The following DSG4 variants were observed in gnomAD, a reference collection of about 807,000 sequenced individuals.
DSG4 encodes desmoglein-4.
DSG4 carries 87 observed loss-of-function variants against 93.1 expected under a neutral mutation model. The observed-to-expected ratio is 0.93, with a 90% confidence interval of 0.79 to 1.12. The LOEUF is 1.12. DSG4 is among the 50% of genes most tolerant of loss of function. The pLI is 0.00. For synonymous variants in DSG4, 432 were observed against 452.9 expected (o/e 0.95, Z 0.59); for missense variants, 1,373 against 1,285.7 (o/e 1.07, Z -1.04).
chr18:31,378,920 C>G (rs1433512938), intron 1 of DSG4, among the ~76,000 whole-genome samples: 8 of 152,194 alleles, frequency 5.3e-5, no homozygotes. Context: ...AAATCAAAGA[C>G]TCTCTGGGGC....
At chr18:31,391,663 TA>T (rs111644305) in intron 7 of DSG4, among the ~76,000 whole-genome samples, 39 of 144,354 alleles carry the variant, frequency 2.7e-4, no homozygotes, top group South Asian at 4.4e-4. Context: ...TGTTTCGGTT[TA>T]AAAAAAAAAA....
intron 8 of DSG4, among the ~76,000 whole-genome samples, chr18:31,396,069 C>A (rs2072301776): frequency 6.6e-6 from 1 of 152,062 alleles, no homozygotes; most frequent in South Asian, 2.1e-4. Context: ...CAATAACAGC[C>A]TCTCCTTGGT....
rs768870274 is a variant in DSG4 at position 31,400,959 on chromosome 18, T to G, written c.1356T>G (p.Phe452Leu). The change falls in exon 10 of 16, where the codon TTT (phenylalanine) becomes TTG (leucine). Residue 452 changes from phenylalanine to leucine, a missense_variant. Physicochemically the swap from Phe to Leu is conservative, Grantham distance 22. Transcript: ENST00000308128. ...RTGEIQFSRE[F>L]DKKSKYIING... is the part of the protein sequence containing the mutation. ...GTGAGATACAATTTTCTAGAGAATT[T>G]GATAAGAAGTCAAAATATATTATCA... The G allele has an allele frequency of 6.8e-6, 11 of 1,612,046 alleles. No individual in the cohort carries two copies. In the East Asian group the frequency reaches 2.0e-4, roughly 29 times the overall value.
intron 8 of DSG4, among the ~76,000 whole-genome samples, chr18:31,395,935 A>C (rs952259454): frequency 3.3e-5 from 5 of 152,096 alleles, no homozygotes; most frequent in African/African-American, 1.2e-4. Flanking sequence ...GCAGAAGAAA[A>C]ATAAGGATTT....
intron 5 of DSG4, among the ~76,000 whole-genome samples, chr18:31,390,363 G>A (rs1001861572): frequency 2.6e-5 from 4 of 152,046 alleles, no homozygotes; most frequent in African/African-American, 9.7e-5. Flanking sequence ...ATATGATAAA[G>A]AATCTATTGA....
chr18:31,390,964 A>C, intron 6 of DSG4, 114 bp from the exon 7 acceptor site: 14 of 1,514,216 alleles, frequency 9.2e-6, no homozygotes, highest in African/African-American at 1.4e-5. Flanking sequence ...AAGCTCAATT[A>C]TATAAATTTC....
intron 12 of DSG4, 71 bp from the exon 13 acceptor site, chr18:31,409,381 G>T (rs186436953): frequency 3.1e-6 from 5 of 1,609,884 alleles, no homozygotes; most frequent in Non-Finnish European, 4.2e-6. Flanking sequence ...ATGCTCCCCA[G>T]AATGATTCAT....
Position 31,376,951 on chromosome 18 carries a change from A to G in DSG4, c.40A>G (p.Ile14Val). 1 of 1,613,502 alleles carries G rather than the reference A, an allele frequency of 6.2e-7. No individual in the cohort carries two copies. Among genetic ancestry groups the G allele is most frequent in the Non-Finnish European group, 8.5e-7 (1 of 1,179,640 alleles). The change falls in exon 1 of 16, where the codon ATT (isoleucine) becomes GTT (valine). Residue 14 changes from isoleucine to valine, a missense_variant. Coordinates refer to ENST00000308128, the MANE Select transcript of DSG4 (RefSeq NM_177986.5). The part of the protein sequence containing the change: ...LFFRNICLLI[I>V]LMVVMEVNSE... ...CTTCAGAAACATTTGCCTTTTGATC[A>G]TTCTAATGGTAAGTAGAATTTAAAG...
In DSG4 at chr18:31,398,963, A is replaced by C. The variant is rs1460594; in HGVS notation, c.1006-309A>C. On this transcript the variant is annotated intron_variant, in intron 8 of 15. Coordinates refer to ENST00000308128, the MANE Select transcript of DSG4 (RefSeq NM_177986.5). ...TATTCTAAAGCTTTTTTTCATAAAC[A>C]CCTCATTTGGAAAATAATCGTTTTT... Among the ~76,000 whole-genome samples, 104,919 of 151,954 alleles carry C rather than the reference A, an allele frequency of 0.69. 37,489 individuals are homozygous for C. Among genetic ancestry groups the C allele is most frequent in the East Asian group, 0.9 (4,645 of 5,170 alleles).
chr18:31,406,356 G>A lies in DSG4; in HGVS notation c.1916G>A (p.Gly639Asp), dbSNP rs1470318662. The A allele has an allele frequency of 2.5e-6, 4 of 1,614,164 alleles. No individual in the cohort carries two copies. Among genetic ancestry groups the A allele is most frequent in the South Asian group, 2.2e-5 (2 of 91,080 alleles). ...GPAGIGMMVLGILLLILAPLL... is the reference protein window; with the variant it reads ...GPAGIGMMVLDILLLILAPLL... ...GCAGGGATTGGCATGATGGTTCTGGGCATCCTGCTACTGATTTGTAAGTAC... is the reference window on the plus strand; with the variant it reads ...GCAGGGATTGGCATGATGGTTCTGGACATCCTGCTACTGATTTGTAAGTAC... The change falls in exon 12 of 16, where the codon GGC becomes GAC. Residue 639 changes from glycine (G) to aspartate (D), a missense_variant. Gly to Asp is a moderately conservative substitution (Grantham distance 94, BLOSUM62 -1). Coordinates refer to ENST00000308128, the MANE Select transcript of DSG4 (RefSeq NM_177986.5).
At chr18:31,387,710 G>T (rs2072203022) in intron 3 of DSG4, among the ~76,000 whole-genome samples, 4 of 151,972 alleles carry the variant, frequency 2.6e-5, no homozygotes. Flanking sequence ...CTGTGAATGT[G>T]TGGGTAAAAA....
intron 8 of DSG4, among the ~76,000 whole-genome samples, chr18:31,396,251 C>T (rs1280495229): frequency 6.6e-6 from 1 of 150,676 alleles, no homozygotes; most frequent in East Asian, 1.9e-4. Context: ...ATTTATTAAG[C>T]AATTACTAAA....
intron 2 of DSG4, among the ~76,000 whole-genome samples, chr18:31,385,465 C>G (rs373104571): frequency 3.3e-5 from 5 of 152,232 alleles, no homozygotes; most frequent in African/African-American, 1.2e-4. Flanking sequence ...CAAAGTGACA[C>G]TTTAGAGTGG....
At chr18:31,408,545 G>C (rs1485333530) in intron 12 of DSG4, among the ~76,000 whole-genome samples, 2 of 152,252 alleles carry the variant, frequency 1.3e-5, no homozygotes, top group East Asian at 3.9e-4. Context: ...TTTTGTATCT[G>C]TTTTTAATTT....
At chr18:31,410,904 G>A (rs776294570) in intron 14 of DSG4, among the ~76,000 whole-genome samples, 3 of 152,212 alleles carry the variant, frequency 2.0e-5, no homozygotes, top group African/African-American at 7.2e-5. Context: ...GCTCCCGGCT[G>A]GATCAAGCCC....
Position 31,413,813 on chromosome 18 carries a change from C to G in DSG4, c.*218C>G. 1 of 568,350 alleles carries G rather than the reference C, an allele frequency of 1.8e-6. No homozygotes were observed. Among genetic ancestry groups the G allele is most frequent in the South Asian group, 2.0e-5 (1 of 49,364 alleles). 35.2% of individuals were successfully genotyped at this position (568,350 alleles called of 1,614,324 possible). ...TTCTTTCTGATTTTAAATAATGCGT[C>G]AAAAAATGTGCAGAAAATGTATTGC... On this transcript the variant is annotated 3_prime_UTR_variant, in exon 16 of 16. Coordinates refer to ENST00000308128, the MANE Select transcript of DSG4 (RefSeq NM_177986.5).
intron 1 of DSG4, among the ~76,000 whole-genome samples, chr18:31,381,808 C>T (rs2144159952): frequency 6.6e-6 from 1 of 151,634 alleles, no homozygotes; most frequent in South Asian, 2.1e-4. Flanking sequence ...TTACAGGCAC[C>T]CGCCACCACG....
intron 14 of DSG4, 23 bp from the exon 15 acceptor site, chr18:31,411,208 A>C (rs1472496604): frequency 6.2e-7 from 1 of 1,613,292 alleles, no homozygotes; most frequent in African/African-American, 1.3e-5. Context: ...CAGCGCTGTT[A>C]AACCAACATC....
chr18:31,390,193 T>C (rs76019263), intron 5 of DSG4, among the ~76,000 whole-genome samples: 3,079 of 152,260 alleles, frequency 0.02, 112 homozygotes, highest in African/African-American at 0.069. Context: ...AGAGTAATTA[T>C]CTGCTTTCTG....
Sources: allele counts gnomAD v4.1 joint callset (sites outside exome capture counted in the v4.1 genomes callset), GRCh38; gene constraint gnomAD v4.1.1; transcripts MANE v1.5; gene names NCBI Gene and HGNC (gene_info 2026-07-23, HGNC 2026-07-21).